The following CFH variants were observed in gnomAD, a reference collection of about 807,000 sequenced individuals.
CFH encodes the protein complement factor H, also known as H factor 1 (complement).
A neutral mutation model predicts 147.3 loss-of-function variants in CFH; 53 were observed. That is an observed-to-expected ratio of 0.36 (90% confidence interval 0.29 to 0.45). The LOEUF (loss-of-function observed/expected upper bound fraction) is 0.45. Ranked by LOEUF, CFH falls within the 20% of genes least tolerant of loss-of-function variation. The pLI is 1.00. For missense variants in CFH, 1,380 were observed against 1,498.0 expected (o/e 0.92, Z 1.30); for synonymous variants, 536 against 489.4 (o/e 1.10, Z -1.26).
intron 11 of CFH, among the ~76,000 whole-genome samples, chr1:196,721,078 T>G (rs1668986482): frequency 6.6e-6 from 1 of 151,990 alleles, no homozygotes; most frequent in African/African-American, 2.4e-5. Flanking sequence ...TATTTCATAT[T>G]TCTTGGTCAT....
At chr1:196,659,791 C>T (rs1033734130) in intron 1 of CFH, among the ~76,000 whole-genome samples, 2 of 152,076 alleles carry the variant, frequency 1.3e-5, no homozygotes, top group African/African-American at 2.4e-5. Flanking sequence ...CAATTTGGTC[C>T]AGTGTCCAAG....
chr1:196,666,852 GA>G (rs1270672296), intron 1 of CFH, among the ~76,000 whole-genome samples: 2 of 150,038 alleles, frequency 1.3e-5, no homozygotes, highest in African/African-American at 4.9e-5. Context: ...AAAATTTTGT[GA>G]ATTTTCCACT....
At chr1:196,669,335 G>A (rs1431339112) in intron 1 of CFH, among the ~76,000 whole-genome samples, 1 of 152,184 alleles carries the variant, frequency 6.6e-6, no homozygotes. Context: ...AAGGAATGAG[G>A]AGCCAAATGT....
chr1:196,670,340 G>A (rs1270290747), intron 1 of CFH, among the ~76,000 whole-genome samples: 1 of 152,038 alleles, frequency 6.6e-6, no homozygotes, highest in East Asian at 1.9e-4. Context: ...TTTGGGAAAG[G>A]CAAGGGGCAG....
At chr1:196,696,240 CA>C (rs1374978212) in intron 9 of CFH, among the ~76,000 whole-genome samples, 3 of 152,144 alleles carry the variant, frequency 2.0e-5, no homozygotes, top group Middle Eastern at 6.8e-3. Flanking sequence ...CGCAAAAGAA[CA>C]AAAACCACAA....
intron 9 of CFH, among the ~76,000 whole-genome samples, chr1:196,711,019 T>C (rs1668711986): frequency 6.6e-6 from 1 of 152,098 alleles, no homozygotes; most frequent in African/African-American, 2.4e-5. Context: ...TTTTAATATA[T>C]GTAAAAACCA....
In CFH at chr1:196,741,935, A is replaced by T; in HGVS notation, c.3017A>T (p.Asp1006Val). The T allele has an allele frequency of 6.2e-7, 1 of 1,614,176 alleles. No homozygotes were observed. Among genetic ancestry groups the T allele is most frequent in the Non-Finnish European group, 8.5e-7 (1 of 1,180,022 alleles). Reference sequence around the variant, plus strand: ...GCCATACCCATGGGAGAGAAGAAGGATGTGTATAAGGCGGGTGAGCAAGTG... The same window carrying T: ...GCCATACCCATGGGAGAGAAGAAGGTTGTGTATAAGGCGGGTGAGCAAGTG... ...ENAIPMGEKK[D>V]VYKAGEQVTY... Residue 1006 changes from aspartate to valine, a missense_variant, in exon 19 of 22, where the codon GAT (aspartate) becomes GTT (valine). This residue lies in a region of CFH where 830 missense variants were observed against 821.4 expected (regional missense o/e 1.01). Coordinates refer to ENST00000367429, the MANE Select transcript of CFH (RefSeq NM_000186.4).
chr1:196,711,654 A>C (rs1442173029), intron 9 of CFH, among the ~76,000 whole-genome samples: 1 of 151,966 alleles, frequency 6.6e-6, no homozygotes, highest in Non-Finnish European at 1.5e-5. Flanking sequence ...AAAACCCCAG[A>C]GATAGTTTGT....
chr1:196,707,869 G>A (rs756385172), intron 9 of CFH, among the ~76,000 whole-genome samples: 1 of 152,086 alleles, frequency 6.6e-6, no homozygotes, highest in Non-Finnish European at 1.5e-5. Context: ...ATATAAAAAG[G>A]TGAGATACCT....
Position 196,737,397 on chromosome 1 carries a change from C to T in CFH, c.2597-78C>T, listed in dbSNP as rs188455494. On this transcript the variant is annotated intron_variant, in intron 16 of 21. Transcript: ENST00000367429. ...TTCAAATTATACTCACTTTAAAATC[C>T]GAAATAGTATTTAGTTTTATATTTC... 426 of 1,036,804 alleles carry T rather than the reference C, an allele frequency of 4.1e-4. 1 individual carries two copies. In the African/African-American group the frequency reaches 5.7e-3, roughly 14 times the overall value. The allele number at this position is 1,036,804 out of a possible 1,614,324, so 64.2% of individuals were successfully genotyped here. A position where few individuals can be genotyped will look rare whatever the true frequency, so the allele number is the denominator to read the frequency against.
chr1:196,719,171 G>A (rs746926908), intron 11 of CFH, among the ~76,000 whole-genome samples: 6 of 151,930 alleles, frequency 3.9e-5, no homozygotes, highest in Admixed American at 3.9e-4. Flanking sequence ...CTAATTCATG[G>A]AGTGTCCATT....
chr1:196,747,272 T>C lies in CFH; in HGVS notation c.3655T>C (p.Trp1219Arg). Residue 1219 changes from tryptophan (W) to arginine (R), a missense_variant, in exon 22 of 22, where the codon TGG becomes CGG. Trp to Arg is a moderately radical substitution (Grantham distance 101). Around this residue, in one of 4 missense-constraint regions of CFH, gnomAD observed 123 missense variants for 185.3 expected, o/e 0.66. Transcript: ENST00000367429. Reference protein sequence around the residue: ...SRSHTLRTTCWDGKLEYPTCA... With the variant: ...SRSHTLRTTCRDGKLEYPTCA... ...TTCTCACACATTGCGAACAACATGT[T>C]GGGATGGGAAACTGGAGTATCCAAC... 2.5e-6 allele frequency: 4 copies of C among 1,614,028 alleles called. No individual in the cohort carries two copies. Among genetic ancestry groups the C allele is most frequent in the Non-Finnish European group, 3.4e-6 (4 of 1,179,954 alleles).
intron 9 of CFH, among the ~76,000 whole-genome samples, chr1:196,703,556 C>T (rs185425828): frequency 1.8e-3 from 278 of 152,220 alleles, no homozygotes; most frequent in African/African-American, 6.5e-3. Context: ...AGACATGGTG[C>T]CATCTATTTG....
intron 7 of CFH, among the ~76,000 whole-genome samples, chr1:196,686,238 C>G (rs1307319976): frequency 1.3e-5 from 2 of 152,090 alleles, no homozygotes; most frequent in African/African-American, 4.8e-5. Context: ...TATCAATTAT[C>G]TACTCACACA....
At chr1:196,734,362 T>C (rs1669349493) in intron 15 of CFH, among the ~76,000 whole-genome samples, 1 of 152,088 alleles carries the variant, frequency 6.6e-6, no homozygotes, top group African/African-American at 2.4e-5. Context: ...ACTTCTGCCA[T>C]TTTGCTGACA....
chr1:196,724,287 G>A (rs925324082), intron 11 of CFH, among the ~76,000 whole-genome samples: 1 of 151,974 alleles, frequency 6.6e-6, no homozygotes. Flanking sequence ...TGGGGACAGA[G>A]GGCTGAGGTT....
At chr1:196,703,612 G>A (rs1668514394) in intron 9 of CFH, among the ~76,000 whole-genome samples, 1 of 152,064 alleles carries the variant, frequency 6.6e-6, no homozygotes, top group South Asian at 2.1e-4. Flanking sequence ...AATAATGAAG[G>A]TGACTGAAAT....
Position 196,676,053 on chromosome 1 carries a change from C to G in CFH, c.415C>G (p.Pro139Ala), listed in dbSNP as rs1308911955. 6.9e-6 allele frequency: 11 copies of G among 1,595,582 alleles called. No individual in the cohort carries two copies. Among genetic ancestry groups the G allele is most frequent in the Non-Finnish European group, 8.6e-6 (10 of 1,164,794 alleles). Residue 139 changes from proline to alanine, a missense_variant, in exon 4 of 22, where the codon CCT becomes GCT. Around this residue, in one of 4 missense-constraint regions of CFH, gnomAD observed 260 missense variants for 263.3 expected, o/e 0.99. Transcript: ENST00000367429. ...CDTDGWTNDI[P>A]ICEVVKCLPV... ...CACAGATGGATGGACCAATGATATT[C>G]CTATATGTGAAGGTAGACATAAAAT...
intron 1 of CFH, among the ~76,000 whole-genome samples, chr1:196,662,158 T>G (rs1666932355): frequency 6.6e-6 from 1 of 152,218 alleles, no homozygotes; most frequent in Admixed American, 6.5e-5. Context: ...ATTGGGAGTG[T>G]ATCTGGCAAC....
Sources: allele counts gnomAD v4.1 joint callset (sites outside exome capture counted in the v4.1 genomes callset), GRCh38; gene constraint gnomAD v4.1.1; regional missense constraint gnomAD v4.1.1; transcripts MANE v1.5; gene names NCBI Gene and HGNC (gene_info 2026-07-23, HGNC 2026-07-21).